EPHB2: variants seen among roughly 807,000 people sequenced by gnomAD.
EPHB2 encodes ephrin type-B receptor 2.
EPHB2 carries 18 observed loss-of-function variants against 96.4 expected under a neutral mutation model. The ratio of observed to expected loss-of-function variants is 0.19; its 90% confidence interval spans 0.13 to 0.28. The LOEUF (loss-of-function observed/expected upper bound fraction) is 0.28. Ranked by LOEUF, EPHB2 falls within the 10% of genes least tolerant of loss-of-function variation. The pLI, the probability that EPHB2 is intolerant of heterozygous loss-of-function variation, is 1.00. For missense variants in EPHB2, 989 were observed against 1,355.4 expected (o/e 0.73, Z 4.25); for synonymous variants, 506 against 534.1 (o/e 0.95, Z 0.72).
intron 3 of EPHB2, among the ~76,000 whole-genome samples, chr1:22,796,105 T>C (rs1235999515): frequency 6.6e-6 from 1 of 152,222 alleles, no homozygotes; most frequent in Non-Finnish European, 1.5e-5. Flanking sequence ...TCCTAGAACC[T>C]GGAAATACAG....
At chr1:22,885,941 C>G (rs1364055295) in intron 6 of EPHB2, among the ~76,000 whole-genome samples, 1 of 152,180 alleles carries the variant, frequency 6.6e-6, no homozygotes, top group Non-Finnish European at 1.5e-5. Context: ...AACTTTCACT[C>G]TCACCAGCTT....
intron 1 of EPHB2, among the ~76,000 whole-genome samples, chr1:22,757,464 G>A (rs1167822354): frequency 1.3e-5 from 2 of 152,222 alleles, no homozygotes; most frequent in African/African-American, 4.8e-5. Context: ...TCAGACAGGT[G>A]TGAATCCAAA....
Position 22,906,903 on chromosome 1 carries a change from T to C in EPHB2, c.2082T>C (p.Pro694=). Residue 694 remains proline, a synonymous_variant, in exon 11 of 16, where the codon CCT becomes CCC. Coordinates refer to ENST00000374630, the MANE Select transcript of EPHB2 (RefSeq NM_017449.5). The surrounding 1 kb of genome is among the most constrained non-coding windows in gnomAD (Gnocchi z 4.8). ...HLEGVVTKST[P]VMIITEFMEN... The stretch of plus-strand genomic sequence containing the variant: ...AGGGTGTCGTGACCAAGAGCACACC[T>C]GTGATGATCATCACCGAGTTCATGG... 1.9e-6 allele frequency: 3 copies of C among 1,614,078 alleles called. No homozygotes were observed. Among genetic ancestry groups the C allele is most frequent in the African/African-American group, 1.3e-5 (1 of 75,036 alleles).
intron 1 of EPHB2, among the ~76,000 whole-genome samples, chr1:22,756,295 G>A (rs1644148923): frequency 6.6e-6 from 1 of 152,170 alleles, no homozygotes; most frequent in African/African-American, 2.4e-5. Flanking sequence ...TTTCAGGATG[G>A]ATGGGGGCAG....
intron 5 of EPHB2, among the ~76,000 whole-genome samples, chr1:22,873,688 C>G (rs1027682868): frequency 5.3e-5 from 8 of 152,218 alleles, no homozygotes; most frequent in African/African-American, 1.7e-4. Context: ...GAGATCCACA[C>G]TCCTCAGCAC....
intron 1 of EPHB2, among the ~76,000 whole-genome samples, chr1:22,755,987 A>G (rs1040287536): frequency 3.3e-5 from 5 of 152,124 alleles, no homozygotes; most frequent in African/African-American, 1.2e-4. Context: ...CCAGGGTCCC[A>G]TCATTGTGGG....
rs372172697 is a variant in EPHB2, at chr1:22,758,392, G to A, written c.62-23029G>A. Among the ~76,000 whole-genome samples the A allele has an allele frequency of 8.5e-5, 13 of 152,086 alleles. 1 individual carries two copies. Among genetic ancestry groups the A allele is most frequent in the African/African-American group, 3.1e-4 (13 of 41,512 alleles). ...AGAGAACAGCTTCTCCTAGGAGAGG[G>A]CTTCCTAGGCAGTTGGATGATATGG... On this transcript the variant is annotated intron_variant, in intron 1 of 15. Transcript: ENST00000374630.
chr1:22,766,094 G>A (rs568032785), intron 1 of EPHB2, among the ~76,000 whole-genome samples: 2 of 152,290 alleles, frequency 1.3e-5, no homozygotes, highest in South Asian at 4.2e-4. Context: ...TTTAAATAAG[G>A]CCAAGTGAAC....
intron 1 of EPHB2, among the ~76,000 whole-genome samples, chr1:22,757,719 C>A (rs1644172765): frequency 6.6e-6 from 1 of 152,018 alleles, no homozygotes. Context: ...AATAAATTAG[C>A]CAGGCATGCT....
chr1:22,745,328 A>G (rs1458933847), intron 1 of EPHB2, among the ~76,000 whole-genome samples: 14 of 152,222 alleles, frequency 9.2e-5, no homozygotes, highest in Admixed American at 9.2e-4. Flanking sequence ...ACACTTTGCA[A>G]AATAAGCCAG....
At chr1:22,760,751 C>T (rs2582022) in intron 1 of EPHB2, among the ~76,000 whole-genome samples, 97,880 of 152,002 alleles carry the variant, frequency 0.64, 32,154 homozygotes, top group Middle Eastern at 0.73. Flanking sequence ...TCCTCTGCTC[C>T]AGGGGCCTCC....
At position 22,790,493 on chromosome 1, in the gene EPHB2, C is replaced by G. The variant is rs1003632322; in HGVS notation, c.811+5417C>G. ...TTGCAGCAGCTGCCCGCACCCAAGT[C>G]TGTTTCTCTGACTCTTTCTAGAGTA... On this transcript the variant is annotated intron_variant, in intron 3 of 15. Transcript: ENST00000374630. The surrounding 1 kb of genome is among the most constrained non-coding windows in gnomAD (Gnocchi z 4.0). Among the ~76,000 whole-genome samples the G allele has an allele frequency of 5.9e-5, 9 of 152,180 alleles. No individual in the cohort carries two copies. The highest frequency in any genetic ancestry group is 2.2e-4 in the African/African-American group (9 of 41,444).
At chr1:22,872,716 T>C (rs1638713298) in intron 5 of EPHB2, among the ~76,000 whole-genome samples, 1 of 152,234 alleles carries the variant, frequency 6.6e-6, no homozygotes, top group Non-Finnish European at 1.5e-5. Flanking sequence ...GTGGAAAGAC[T>C]TTCAACTCTC....
intron 1 of EPHB2, among the ~76,000 whole-genome samples, chr1:22,746,701 T>C (rs756053957): frequency 6.6e-6 from 1 of 152,206 alleles, no homozygotes; most frequent in Non-Finnish European, 1.5e-5. Flanking sequence ...CTGACCTCCT[T>C]CTGCACGGGA....
At chr1:22,796,850 T>C (rs1019334448) in intron 3 of EPHB2, among the ~76,000 whole-genome samples, 3 of 152,186 alleles carry the variant, frequency 2.0e-5, no homozygotes, top group Non-Finnish European at 2.9e-5. Flanking sequence ...CCCCAGAAGC[T>C]GGGTACAACT....
At chr1:22,859,306 G>A (rs540215340) in intron 3 of EPHB2, among the ~76,000 whole-genome samples, 10 of 146,762 alleles carry the variant, frequency 6.8e-5, no homozygotes, top group African/African-American at 1.9e-4. Context: ...GTGGGGGGGG[G>A]GGTATTGTAC....
At chr1:22,805,969 C>T (rs997257283) in intron 3 of EPHB2, among the ~76,000 whole-genome samples, 3 of 152,142 alleles carry the variant, frequency 2.0e-5, no homozygotes, top group South Asian at 2.1e-4. Flanking sequence ...CATCCATGCC[C>T]GCAGAGCCCT....
Position 22,896,626 on chromosome 1 carries a change from C to T in EPHB2, c.1765+148C>T, listed in dbSNP as rs74061071. On this transcript the variant is annotated intron_variant, in intron 9 of 15. Coordinates refer to ENST00000374630, the MANE Select transcript of EPHB2 (RefSeq NM_017449.5). ...CTGGTTGCACTAAGCTCACTCTCAC[C>T]TCTAGGCCTTTGCAAGTGCGGTTCC... 2,529 of 999,036 alleles carry T rather than the reference C, an allele frequency of 2.5e-3. 31 individuals are homozygous for T. In the African/African-American group the frequency reaches 0.032, roughly 13 times the overall value. The allele number at this position is 999,036 out of a possible 1,614,324, so 61.9% of individuals were successfully genotyped here. A position where few individuals can be genotyped will look rare whatever the true frequency, so the allele number is the denominator to read the frequency against.
chr1:22,812,038 C>CA (rs1645010380), intron 3 of EPHB2, among the ~76,000 whole-genome samples: 1 of 152,308 alleles, frequency 6.6e-6, no homozygotes, highest in Non-Finnish European at 1.5e-5. Context: ...GAGCTTGTCT[C>CA]AAAAAACGAA....
Sources: gnomAD v4.1 joint callset for allele counts (sites outside exome capture counted in the v4.1 genomes callset) on GRCh38, gnomAD v4.1.1 for gene constraint, Gnocchi (gnomAD v3.1) non-coding constraint, MANE v1.5 for transcripts, NCBI Gene and HGNC (gene_info 2026-07-23, HGNC 2026-07-21) for gene names.